TDP1: variants seen among roughly 807,000 people sequenced by gnomAD.
The protein encoded by TDP1 is tyr-DNA phosphodiesterase 1.
In TDP1, 64 loss-of-function variants were observed where a neutral mutation model predicts 81.5. That is an observed-to-expected ratio of 0.79 (90% CI 0.64 to 0.97). TDP1 has a LOEUF of 0.97. TDP1 is among the 50% of genes least tolerant of loss of function. The pLI, the probability that TDP1 is intolerant of heterozygous loss-of-function variation, is 0.00. For missense variants in TDP1, 723 were observed against 743.8 expected, an observed-to-expected ratio of 0.97 and a Z score of 0.33; for synonymous variants, 256 against 264.3, an observed-to-expected ratio of 0.97 and a Z score of 0.30.
intron 3 of TDP1, among the ~76,000 whole-genome samples, chr14:89,965,240 C>G (rs1892799832): frequency 6.6e-6 from 1 of 150,886 alleles, no homozygotes; most frequent in South Asian, 2.1e-4. Context: ...AGGAAGCACT[C>G]AGGAAATATT....
chr14:89,959,295 A>G (rs1313941652), intron 2 of TDP1, among the ~76,000 whole-genome samples: 1 of 152,256 alleles, frequency 6.6e-6, no homozygotes, highest in Non-Finnish European at 1.5e-5. Flanking sequence ...GAAAGCTCTC[A>G]GGTTCTACAT....
In TDP1 at chr14:89,988,751, A is replaced by T. The variant is rs368201775; in HGVS notation, c.1132-154A>T. On this transcript the variant is annotated intron_variant, in intron 10 of 16. Transcript: ENST00000335725. ...ATTTAAAAAAAATTTCCCAAAGAAG[A>T]AGTATGTATGTGTGGGTATGAAATT... is the stretch of plus-strand genomic sequence containing the variant. 84 of 984,616 alleles carry T rather than the reference A, an allele frequency of 8.5e-5. No homozygotes were observed. The African/African-American group carries it at 1.3e-3, about 15-fold the overall frequency. The allele number at this position is 984,616 out of a possible 1,614,324, so 61.0% of individuals were successfully genotyped here.
At chr14:90,020,859 G>T (rs147019799) in intron 15 of TDP1, among the ~76,000 whole-genome samples, 5,435 of 146,780 alleles carry the variant, frequency 0.037, 360 homozygotes, top group African/African-American at 0.13. Context: ...GCAGTGGCAT[G>T]ATCTCGGCTC....
chr14:90,032,980 C>G lies in TDP1; in HGVS notation c.1645-126C>G, dbSNP rs728286. 0.04 allele frequency: 46,175 copies of G among 1,148,132 alleles called. 3,085 individuals carry two copies. Among genetic ancestry groups the G allele is most frequent in the African/African-American group, 0.27 (17,232 of 62,882 alleles). 71.1% of individuals were successfully genotyped at this position (1,148,132 alleles called of 1,614,324 possible). ...TATTTGCCTATGAACATTGAAAATA[C>G]CTCCAAAATAATTTGAATTTTATTT... On this transcript the variant is annotated intron_variant, in intron 15 of 16. Coordinates refer to ENST00000335725, the MANE Select transcript of TDP1 (RefSeq NM_018319.4).
At chr14:89,981,121 AG>A (rs1398677393) in intron 8 of TDP1, among the ~76,000 whole-genome samples, 1 of 152,212 alleles carries the variant, frequency 6.6e-6, no homozygotes, top group Non-Finnish European at 1.5e-5. Flanking sequence ...CAGGAATCAA[AG>A]GAAAAGTTGG....
At chr14:89,980,078 C>T in intron 7 of TDP1, 1 of 846,036 alleles carries the variant, frequency 1.2e-6, no homozygotes, top group Non-Finnish European at 1.4e-6. Context: ...ACCTTTGTGC[C>T]AAAACAAAAT....
chr14:89,964,159 A>C (rs1475288933), intron 3 of TDP1, among the ~76,000 whole-genome samples: 3 of 152,204 alleles, frequency 2.0e-5, no homozygotes, highest in Non-Finnish European at 4.4e-5. Flanking sequence ...TGCCCAGTCA[A>C]GTTTGAGAAC....
intron 14 of TDP1, among the ~76,000 whole-genome samples, chr14:90,012,832 A>G (rs1884870643): frequency 6.6e-6 from 1 of 152,120 alleles, no homozygotes; most frequent in Non-Finnish European, 1.5e-5. Flanking sequence ...GAAAGCAGCC[A>G]AGAAGGGGGG....
intron 15 of TDP1, among the ~76,000 whole-genome samples, chr14:90,026,209 GC>G (rs1253605955): frequency 6.6e-6 from 1 of 152,196 alleles, no homozygotes; most frequent in Non-Finnish European, 1.5e-5. Flanking sequence ...GTTTACAAGA[GC>G]CACCACCTTA....
At chr14:90,018,856 C>T (rs1376560663) in intron 14 of TDP1, 1 of 417,866 alleles carries the variant, frequency 2.4e-6, no homozygotes, top group African/African-American at 2.2e-5. Context: ...CTGTTTTCTT[C>T]ACATTGAAAG....
At chr14:90,016,182 T>G (rs1042450707) in intron 14 of TDP1, among the ~76,000 whole-genome samples, 4 of 151,990 alleles carry the variant, frequency 2.6e-5, no homozygotes, top group Admixed American at 6.6e-5. Flanking sequence ...GTAGTTGGGA[T>G]TACAGGTATG....
At chr14:90,015,342 C>T (rs1885187441) in intron 14 of TDP1, among the ~76,000 whole-genome samples, 1 of 152,166 alleles carries the variant, frequency 6.6e-6, no homozygotes, top group African/African-American at 2.4e-5. Context: ...CAAGTTTACT[C>T]TTAAAAATTT....
chr14:90,031,606 G>A (rs1236221127), intron 15 of TDP1, among the ~76,000 whole-genome samples: 4 of 151,210 alleles, frequency 2.6e-5, no homozygotes, highest in Admixed American at 6.6e-5. Context: ...GCAGTGAGCC[G>A]AGATCACACC....
chr14:90,031,099 T>A (rs1887229897), intron 15 of TDP1, among the ~76,000 whole-genome samples: 1 of 151,200 alleles, frequency 6.6e-6, no homozygotes, highest in Admixed American at 6.6e-5. Flanking sequence ...ACACAGAACA[T>A]TTTTTTTTAA....
At chr14:89,957,837 C>A (rs78217828) in intron 2 of TDP1, among the ~76,000 whole-genome samples, 3,378 of 152,336 alleles carry the variant, frequency 0.022, 110 homozygotes, top group African/African-American at 0.074. Context: ...ACACATGACA[C>A]AGGATTTATT....
intron 3 of TDP1, among the ~76,000 whole-genome samples, chr14:89,964,171 A>G (rs1241554782): frequency 5.9e-5 from 9 of 152,224 alleles, no homozygotes; most frequent in Non-Finnish European, 1.0e-4. Flanking sequence ...TTTGAGAACC[A>G]CTGCTTAAAA....
rs35466962 is a variant in TDP1, at chr14:89,966,669, G to A, written c.603+479G>A. Among the ~76,000 whole-genome samples the A allele has an allele frequency of 3.8e-3, 586 of 152,310 alleles. 2 individuals carry two copies. Among genetic ancestry groups the A allele is most frequent in the African/African-American group, 0.014 (566 of 41,576 alleles). On this transcript the variant is annotated intron_variant, in intron 4 of 16. Coordinates refer to ENST00000335725, the MANE Select transcript of TDP1 (RefSeq NM_018319.4). Reference sequence around the variant, plus strand: ...ATCATGTAATGGTCCAGACCCACAAGTAAGTGGTCCAAAGGGCCCTGTCCC... The same window carrying A: ...ATCATGTAATGGTCCAGACCCACAAATAAGTGGTCCAAAGGGCCCTGTCCC...
At chr14:90,039,852 G>A (rs1052677092) in intron 16 of TDP1, among the ~76,000 whole-genome samples, 7 of 152,034 alleles carry the variant, frequency 4.6e-5, no homozygotes, top group African/African-American at 1.5e-4. Flanking sequence ...CCTCACAACC[G>A]CATGATGCAA....
At chr14:89,962,491 G>C (rs1165844057) in intron 2 of TDP1, among the ~76,000 whole-genome samples, 1 of 152,154 alleles carries the variant, frequency 6.6e-6, no homozygotes, top group Non-Finnish European at 1.5e-5. Flanking sequence ...GGTCAAGAAT[G>C]AATGTTTGTT....
Sources: allele counts gnomAD v4.1 joint callset (sites outside exome capture counted in the v4.1 genomes callset), GRCh38; gene constraint gnomAD v4.1.1; transcripts MANE v1.5; gene names NCBI Gene and HGNC (gene_info 2026-07-23, HGNC 2026-07-21).